TMEM164: variants seen among roughly 807,000 people sequenced by gnomAD.
The protein encoded by TMEM164 is transmembrane protein 164, also known as RP13-360B22.2.
TMEM164 carries 4 observed loss-of-function variants against 18.8 expected under a neutral mutation model. The ratio of observed to expected loss-of-function variants is 0.21; its 90% confidence interval spans 0.10 to 0.49. TMEM164 has a LOEUF of 0.49. TMEM164 is among the 20% of genes least tolerant of loss of function. The pLI is 0.98. For synonymous variants in TMEM164, 86 were observed against 101.7 expected, an observed-to-expected ratio of 0.85 and a Z score of 0.93; for missense variants, 108 against 239.9, an observed-to-expected ratio of 0.45 and a Z score of 3.63.
intron 5 of TMEM164, among the ~76,000 whole-genome samples, chrX:110,146,116 C>T (rs139951305): frequency 3.3e-3 from 367 of 112,296 alleles, no homozygotes; most frequent in Non-Finnish European, 5.7e-3. Context: ...AGGTCTGTCC[C>T]CTGTGGCACA....
Position 110,003,616 on chromosome X carries a change from C to T in TMEM164, c.-159C>T. On this transcript the variant is annotated 5_prime_UTR_variant, in exon 2 of 7. Coordinates refer to ENST00000372068, the MANE Select transcript of TMEM164 (RefSeq NM_032227.4). ...AGCCAGCACTTTACCCCGGGCCTTG[C>T]GTGTAGCTTCCCCTCCCCTACTCTC... 3.4e-6 allele frequency: 2 copies of T among 590,597 alleles called. No individual in the cohort carries two copies. Among genetic ancestry groups the T allele is most frequent in the Non-Finnish European group, 5.2e-6 (2 of 384,860 alleles). 48.7% of individuals were successfully genotyped at this position (590,597 alleles called of 1,213,427 possible). A position where few individuals can be genotyped will look rare whatever the true frequency, so the allele number is the denominator to read the frequency against.
chrX:110,028,153 T>A (rs999255065), intron 2 of TMEM164, among the ~76,000 whole-genome samples: 9 of 112,610 alleles, frequency 8.0e-5, no homozygotes, highest in African/African-American at 2.9e-4. Context: ...ATTTTCAAAT[T>A]TATTGGTTTA....
In TMEM164 at chrX:110,101,574, T is replaced by C. The variant is rs764072003; in HGVS notation, c.441-7506T>C. 3.4e-3 allele frequency among the ~76,000 whole-genome samples: 361 copies of C among 107,495 alleles called. 1 individual carries two copies. The highest frequency in any genetic ancestry group is 0.011 in the African/African-American group (317 of 28,324). 93.3% of individuals were successfully genotyped at this position (107,495 alleles called of 115,157 possible). On this transcript the variant is annotated intron_variant, in intron 3 of 6. Transcript: ENST00000372068. ...TTTTTTCAAAGACAAACTTTTGGTTTTATTGATTTTTTTTTTTTTTTTTGA... is the reference window on the plus strand; with the variant it reads ...TTTTTTCAAAGACAAACTTTTGGTTCTATTGATTTTTTTTTTTTTTTTTGA...
At chrX:110,142,636 C>T (rs767929289) in intron 4 of TMEM164, among the ~76,000 whole-genome samples, 16 of 112,858 alleles carry the variant, frequency 1.4e-4, no homozygotes, top group East Asian at 2.8e-4. Context: ...AAAAGAAGTA[C>T]GATGTGAGTT....
At chrX:110,064,709 T>C (rs958613264) in intron 2 of TMEM164, among the ~76,000 whole-genome samples, 1 of 110,022 alleles carries the variant, frequency 9.1e-6, no homozygotes, top group Admixed American at 9.7e-5. Context: ...CCAGGCACAG[T>C]GATAAACCTG....
At chrX:110,081,222 G>A (rs1328931711) in intron 3 of TMEM164, among the ~76,000 whole-genome samples, 1 of 110,942 alleles carries the variant, frequency 9.0e-6, no homozygotes, top group African/African-American at 3.3e-5. Flanking sequence ...AGTATTGGGG[G>A]ATAGCGAATA....
intron 3 of TMEM164, among the ~76,000 whole-genome samples, chrX:110,095,482 G>A (rs967958139): frequency 3.6e-5 from 4 of 111,949 alleles, no homozygotes; most frequent in African/African-American, 1.3e-4. Context: ...AGCTACTGAA[G>A]CTTGTGCATG....
At chrX:110,071,175 T>C (rs988765033) in intron 3 of TMEM164, among the ~76,000 whole-genome samples, 6 of 108,507 alleles carry the variant, frequency 5.5e-5, no homozygotes, top group Non-Finnish European at 1.1e-4. Flanking sequence ...ATTTATTTAT[T>C]TATTTATTTA....
At chrX:110,065,655 C>A (rs1041321276) in intron 2 of TMEM164, 1 of 111,753 alleles carries the variant, frequency 8.9e-6, no homozygotes, top group African/African-American at 3.3e-5. Flanking sequence ...AGTCTGTAAT[C>A]CTTATCCAAA....
intron 4 of TMEM164, among the ~76,000 whole-genome samples, chrX:110,122,093 C>A (rs748156414): frequency 4.5e-5 from 5 of 111,030 alleles, no homozygotes; most frequent in South Asian, 3.8e-4. Context: ...CCAAAGGACT[C>A]TAAATCATGC....
intron 2 of TMEM164, among the ~76,000 whole-genome samples, chrX:110,026,156 A>G (rs1473298708): frequency 8.9e-6 from 1 of 112,101 alleles, no homozygotes. Flanking sequence ...TTCTTCTAAT[A>G]CCTCATGAAC....
chrX:110,165,779 T>C (rs901027784), intron 5 of TMEM164, among the ~76,000 whole-genome samples: 18 of 111,983 alleles, frequency 1.6e-4, no homozygotes, highest in African/African-American at 5.2e-4. Context: ...TCTCAGTTAC[T>C]GAAGCCATAG....
intron 3 of TMEM164, among the ~76,000 whole-genome samples, chrX:110,069,886 T>A (rs1274324985): frequency 8.9e-6 from 1 of 112,240 alleles, no homozygotes; most frequent in African/African-American, 3.2e-5. Flanking sequence ...TGATCCCTAT[T>A]TTACCCTGTG....
intron 3 of TMEM164, among the ~76,000 whole-genome samples, chrX:110,089,357 C>T (rs754326625): frequency 4.1e-4 from 45 of 110,948 alleles, no homozygotes; most frequent in African/African-American, 1.3e-3. Flanking sequence ...CCACCACACC[C>T]GGCTAATTTT....
chrX:110,020,744 A>C, intron 2 of TMEM164: 1 of 714,870 alleles, frequency 1.4e-6, no homozygotes, highest in Non-Finnish European at 1.7e-6. Context: ...TACAAATGTT[A>C]ATGTGTGAAG....
chrX:110,133,108 G>A lies in TMEM164; in HGVS notation c.508-11690G>A, dbSNP rs1439481639. On this transcript the variant is annotated intron_variant, in intron 4 of 6. Coordinates refer to ENST00000372068, the MANE Select transcript of TMEM164 (RefSeq NM_032227.4). Reference sequence around the variant, plus strand: ...CTATCTTCTCCCAATGTCTTTGTAGGGTTTTTTCCTCTGTGTCTGTCTGTG... The same window carrying A: ...CTATCTTCTCCCAATGTCTTTGTAGAGTTTTTTCCTCTGTGTCTGTCTGTG... 4.5e-5 allele frequency among the ~76,000 whole-genome samples: 5 copies of A among 111,216 alleles called. No individual in the cohort carries two copies. In the East Asian group the frequency reaches 1.4e-3, roughly 32 times the overall value.
At chrX:110,098,788 C>G (rs1288488182) in intron 3 of TMEM164, among the ~76,000 whole-genome samples, 5 of 105,762 alleles carry the variant, frequency 4.7e-5, no homozygotes, top group Non-Finnish European at 9.7e-5. Flanking sequence ...TTTTTCAGCC[C>G]TTTTTTTTTC....
chrX:110,082,914 C>T (rs1410858690), intron 3 of TMEM164, among the ~76,000 whole-genome samples: 1 of 111,506 alleles, frequency 9.0e-6, no homozygotes, highest in African/African-American at 3.3e-5. Flanking sequence ...ATGGTCTCTG[C>T]TGAATTTTGA....
chrX:110,031,216 C>A (rs963526572), intron 2 of TMEM164, among the ~76,000 whole-genome samples: 8 of 112,274 alleles, frequency 7.1e-5, no homozygotes, highest in African/African-American at 2.6e-4. Context: ...TCATCCATGT[C>A]CCTGTAAAGG....
Sources: gnomAD v4.1 joint callset for allele counts (sites outside exome capture counted in the v4.1 genomes callset) on GRCh38, gnomAD v4.1.1 for gene constraint, MANE v1.5 for transcripts, NCBI Gene and HGNC (gene_info 2026-07-23, HGNC 2026-07-21) for gene names.